Variants in NUP42 observed in about 807,000 individuals in gnomAD.
The protein encoded by NUP42 is nucleoporin 42.
A neutral mutation model predicts 35.9 loss-of-function variants in NUP42; 47 were observed. The ratio of observed to expected loss-of-function variants is 1.31; its 90% CI spans 1.04 to 1.67. NUP42 has a LOEUF of 1.67. NUP42 is among the 40% of genes most tolerant of loss of function. NUP42 has a pLI of 0.00. For synonymous variants in NUP42, 173 were observed against 173.3 expected, an observed-to-expected ratio of 1.00 and a Z score of 0.01; for missense variants, 514 against 492.2, an observed-to-expected ratio of 1.04 and a Z score of -0.42.
At chr7:23,187,939 TCTCTCTC>T in intron 3 of NUP42, 1 of 401,688 alleles carries the variant, frequency 2.5e-6, no homozygotes. Flanking sequence ...ATTCTCTGTC[TCTCTCTC>T]TCTCTCTGGC....
At chr7:23,185,586 G>A (rs1383096191) in intron 2 of NUP42, among the ~76,000 whole-genome samples, 3 of 151,956 alleles carry the variant, frequency 2.0e-5, no homozygotes, top group Middle Eastern at 3.2e-3. Context: ...GGGTAATTAC[G>A]CTTTTTCCAC....
In NUP42 at chr7:23,189,262, G is replaced by A. The variant is rs182749100; in HGVS notation, c.445+2116G>A. On this transcript the variant is annotated intron_variant, in intron 3 of 6. Transcript: ENST00000258742. ...TGAAATTACGGAAAACTTTGTCATC[G>A]TGAGCATGATGGCTTCTCAGTACTT... 1.0e-3 allele frequency among the ~76,000 whole-genome samples: 156 copies of A among 152,308 alleles called. 1 individual carries two copies. Among genetic ancestry groups the A allele is most frequent in the African/African-American group, 3.5e-3 (145 of 41,564 alleles).
At chr7:23,189,866 T>C (rs986530717) in intron 3 of NUP42, among the ~76,000 whole-genome samples, 21 of 151,462 alleles carry the variant, frequency 1.4e-4, no homozygotes, top group Admixed American at 5.9e-4. Flanking sequence ...TGAGCCAAGA[T>C]TGTGCCACTG....
chr7:23,193,828 G>C (rs1047634669), intron 3 of NUP42, among the ~76,000 whole-genome samples: 1 of 152,252 alleles, frequency 6.6e-6, no homozygotes, highest in African/African-American at 2.4e-5. Flanking sequence ...GCGCACGGAG[G>C]TGAGGGGGAG....
intron 3 of NUP42, chr7:23,188,153 C>G (rs1289921789): frequency 2.3e-6 from 3 of 1,317,286 alleles, no homozygotes; most frequent in Non-Finnish European, 1.9e-6. Flanking sequence ...GGAGCTCTTG[C>G]AATCAATATC....
chr7:23,186,854 AC>A (rs1181641839), intron 2 of NUP42, among the ~76,000 whole-genome samples, 197 bp from the exon 3 acceptor site: 1 of 152,180 alleles, frequency 6.6e-6, no homozygotes, highest in African/African-American at 2.4e-5. Context: ...AACTTCTCTG[AC>A]ATTATAATAC....
intron 3 of NUP42, 50 bp from the exon 4 acceptor site, chr7:23,195,789 C>A: frequency 8.2e-7 from 1 of 1,222,658 alleles, no homozygotes; most frequent in Non-Finnish European, 1.2e-6. Flanking sequence ...GCTTTACTAT[C>A]AAAATTATTG....
Position 23,200,317 on chromosome 7 carries a change from T to C in NUP42, c.844T>C (p.Ser282Pro), listed in dbSNP as rs1786169909. ...GAAASTSSGI[S>P]TSAPAFGFGK... ...TGCAGCCTCTACCAGTTCAGGTATCTCTACTTCTGCTCCAGCTTTTGGATT... is the reference window on the plus strand; with the variant it reads ...TGCAGCCTCTACCAGTTCAGGTATCCCTACTTCTGCTCCAGCTTTTGGATT... Residue 282 changes from serine to proline, a missense_variant, in exon 7 of 7, where the codon TCT becomes CCT. Physicochemically the swap from Ser to Pro is moderately conservative, Grantham distance 74. Transcript: ENST00000258742. 1 of 1,605,346 alleles carries C rather than the reference T, an allele frequency of 6.2e-7. No individual in the cohort carries two copies. Among genetic ancestry groups the C allele is most frequent in the Non-Finnish European group, 8.5e-7 (1 of 1,174,782 alleles).
chr7:23,199,928 C>T (rs1419366374), intron 6 of NUP42, among the ~76,000 whole-genome samples: 5 of 152,094 alleles, frequency 3.3e-5, no homozygotes, highest in Non-Finnish European at 5.9e-5. Flanking sequence ...TGTGGTTTCT[C>T]CTTGGGTGAA....
intron 1 of NUP42, 179 bp downstream of exon 1, chr7:23,182,385 A>T (rs1312679717): frequency 1.4e-6 from 2 of 1,402,588 alleles, no homozygotes. Flanking sequence ...CATATTATTC[A>T]TGTGGTCCGT....
At chr7:23,183,470 T>C (rs1785484832) in intron 1 of NUP42, among the ~76,000 whole-genome samples, 1 of 152,072 alleles carries the variant, frequency 6.6e-6, no homozygotes, top group African/African-American at 2.4e-5. Context: ...ATACTCCCGC[T>C]TCCGTCTTTC....
chr7:23,198,202 A>ATTTTTTTTTTTTT (rs1554296929), intron 5 of NUP42: 4 of 107,172 alleles, frequency 3.7e-5, no homozygotes, highest in African/African-American at 1.4e-4. Context: ...AAACAAAAGC[A>ATTTTTTTTTTTTT]TTCTTTTTTT....
Position 23,200,301 on chromosome 7 carries a change from T to C in NUP42, c.828T>C (p.Ser276=), listed in dbSNP as rs1280745241. The C allele has an allele frequency of 1.2e-6, 2 of 1,603,228 alleles. No individual in the cohort carries two copies. The highest frequency in any genetic ancestry group is 8.5e-7 in the Non-Finnish European group (1 of 1,173,352). ...GSSPAFGAAA[S]TSSGISTSAP... ...CCCCAGCATTTGGAGCTGCAGCCTC[T>C]ACCAGTTCAGGTATCTCTACTTCTG... is the stretch of plus-strand genomic sequence containing the variant. The change falls in exon 7 of 7, where the codon TCT becomes TCC. Residue 276 remains serine (S), a synonymous_variant. Transcript: ENST00000258742.
Position 23,182,264 on chromosome 7 carries a change from A to G in NUP42, c.121+58A>G, listed in dbSNP as rs974250312. On this transcript the variant is annotated intron_variant, in intron 1 of 6. Coordinates refer to ENST00000258742, the MANE Select transcript of NUP42 (RefSeq NM_007342.3). ...AGCCGGGAAGGGTCCGCCGGCGGGG[A>G]CCGGGCGTCCCGCGTGTTTCCCGCT... 1.9e-6 allele frequency: 3 copies of G among 1,543,562 alleles called. No individual in the cohort carries two copies. The African/African-American group carries it at 4.1e-5, about 21-fold the overall frequency.
At chr7:23,199,344 A>T in intron 5 of NUP42, 114 bp from the exon 6 acceptor site, 1 of 823,980 alleles carries the variant, frequency 1.2e-6, no homozygotes, top group South Asian at 1.5e-5. Flanking sequence ...GAGCCACCAC[A>T]CCCAGCCTTT....
intron 1 of NUP42, among the ~76,000 whole-genome samples, chr7:23,183,797 C>T (rs2128472148): frequency 7.1e-6 from 1 of 141,584 alleles, no homozygotes; most frequent in South Asian, 2.3e-4. Context: ...TGAGTTTCTT[C>T]AGTTGTATCA....
chr7:23,198,543 C>T (rs1050270181), intron 5 of NUP42: 12 of 152,232 alleles, frequency 7.9e-5, no homozygotes, highest in Non-Finnish European at 1.5e-4. Context: ...TGAAAGAAAT[C>T]GCTTATGTTT....
At chr7:23,192,796 A>G (rs1187870532) in intron 3 of NUP42, among the ~76,000 whole-genome samples, 1 of 152,062 alleles carries the variant, frequency 6.6e-6, no homozygotes, top group Non-Finnish European at 1.5e-5. Flanking sequence ...ACAGAACTGC[A>G]AGGGTCCACT....
intron 5 of NUP42, among the ~76,000 whole-genome samples, chr7:23,199,020 A>G (rs1392724754): frequency 6.6e-6 from 1 of 152,226 alleles, no homozygotes; most frequent in African/African-American, 2.4e-5. Flanking sequence ...TTGTGATTAT[A>G]CTGTTTATAC....
Sources: allele counts gnomAD v4.1 joint callset (sites outside exome capture counted in the v4.1 genomes callset), GRCh38; gene constraint gnomAD v4.1.1; transcripts MANE v1.5; gene names NCBI Gene and HGNC (gene_info 2026-07-23, HGNC 2026-07-21).